Variants in ADI1 observed in about 807,000 individuals in gnomAD.
ADI1 encodes acireductone dioxygenase.
In ADI1, 21 loss-of-function variants were observed where a neutral mutation model predicts 18.7. The ratio of observed to expected loss-of-function variants is 1.13; its 90% confidence interval spans 0.80 to 1.62. The LOEUF is 1.62. Ranked by LOEUF, ADI1 falls within the 40% of genes most tolerant of loss-of-function variation. ADI1 has a pLI of 0.00. For synonymous variants in ADI1, 90 were observed against 100.1 expected, an observed-to-expected ratio of 0.90 and a Z score of 0.60; for missense variants, 245 against 254.9, an observed-to-expected ratio of 0.96 and a Z score of 0.26.
intron 2 of ADI1, among the ~76,000 whole-genome samples, chr2:3,504,155 G>A (rs1667119496): frequency 6.6e-6 from 1 of 152,152 alleles, no homozygotes; most frequent in African/African-American, 2.4e-5. Flanking sequence ...TTCACCCAGG[G>A]CACGTTGACA....
intron 1 of ADI1, chr2:3,516,934 GA>G: frequency 1.0e-6 from 1 of 984,968 alleles, no homozygotes; most frequent in South Asian, 4.7e-5. Flanking sequence ...GGTTTTTTTA[GA>G]GATGAGGTCT....
chr2:3,509,446 A>G (rs536024415), intron 2 of ADI1, among the ~76,000 whole-genome samples: 7 of 152,342 alleles, frequency 4.6e-5, no homozygotes, highest in Non-Finnish European at 8.8e-5. Flanking sequence ...GTCTCAATAT[A>G]TTTACGAAGA....
chr2:3,503,477 TCA>T (rs1667089770), intron 2 of ADI1, among the ~76,000 whole-genome samples: 2 of 106,670 alleles, frequency 1.9e-5, no homozygotes, highest in African/African-American at 7.6e-5. Flanking sequence ...ACGTGTGCAT[TCA>T]CACTCATGCA....
chr2:3,503,448 CAT>C (rs1303979701), intron 2 of ADI1, among the ~76,000 whole-genome samples: 1 of 151,582 alleles, frequency 6.6e-6, no homozygotes, highest in Non-Finnish European at 1.5e-5. Context: ...CTCATGCACA[CAT>C]ACGGACGTAC....
intron 2 of ADI1, among the ~76,000 whole-genome samples, chr2:3,511,853 G>T (rs951422533): frequency 2.0e-5 from 3 of 152,210 alleles, no homozygotes; most frequent in Non-Finnish European, 4.4e-5. Flanking sequence ...TGGAAATGAG[G>T]AATTTATCGG....
chr2:3,519,227 A>G (rs758707877), intron 1 of ADI1, 141 bp downstream of exon 1: 249 of 1,227,638 alleles, frequency 2.0e-4, no homozygotes, highest in Non-Finnish European at 2.4e-4. Flanking sequence ...AGCCGCCACG[A>G]ACCCCCAAAT....
chr2:3,518,666 G>A (rs908446445), intron 1 of ADI1, among the ~76,000 whole-genome samples: 3 of 151,762 alleles, frequency 2.0e-5, no homozygotes, highest in Non-Finnish European at 4.4e-5. Flanking sequence ...ACCGCGGCAG[G>A]ACCCCGCCTC....
At chr2:3,502,749 G>A (rs1015931894) in intron 2 of ADI1, among the ~76,000 whole-genome samples, 2 of 152,058 alleles carry the variant, frequency 1.3e-5, no homozygotes, top group South Asian at 2.1e-4. Context: ...CGCACACGGC[G>A]ACAAACGGAA....
intron 2 of ADI1, among the ~76,000 whole-genome samples, chr2:3,503,192 T>C (rs6748856): frequency 0.067 from 7,046 of 104,608 alleles, 684 homozygotes; most frequent in African/African-American, 0.15. Flanking sequence ...CATGCACACA[T>C]ACATGCATGC....
rs1667509902 is a variant in ADI1 at position 3,519,518 on chromosome 2, C to T, written c.-31G>A. ...GCAGTGCGGGTGCCGTGTTCGAACCCAGGGGCCGCGCTCGGAGCCCGTCGG... is the reference window on the plus strand; with the variant it reads ...GCAGTGCGGGTGCCGTGTTCGAACCTAGGGGCCGCGCTCGGAGCCCGTCGG... On this transcript the variant is annotated 5_prime_UTR_variant, in exon 1 of 4. Transcript: ENST00000327435. 2 of 1,257,662 alleles carry T rather than the reference C, an allele frequency of 1.6e-6. No homozygotes were observed. The highest frequency in any genetic ancestry group is 2.0e-6 in the Non-Finnish European group (2 of 999,690). The allele number at this position is 1,257,662 out of a possible 1,614,324, so 77.9% of individuals were successfully genotyped here. A position where few individuals can be genotyped will look rare whatever the true frequency, so the allele number is the denominator to read the frequency against.
Position 3,502,564 on chromosome 2 carries a change from G to A in ADI1, c.241-1571C>T, listed in dbSNP as rs185529664. 3.5e-3 allele frequency among the ~76,000 whole-genome samples: 527 copies of A among 148,984 alleles called. 2 individuals carry two copies. The highest frequency in any genetic ancestry group is 0.012 in the African/African-American group (503 of 40,488). ...GCCTCCCAGGTTCAAGCAATTCTCT[G>A]CCTCAGCCTCCCAAGTAGCTGGGGT... is the stretch of plus-strand genomic sequence containing the variant. On this transcript the variant is annotated intron_variant, in intron 2 of 3. Transcript: ENST00000327435.
rs1164559962 is a variant in ADI1, at chr2:3,499,003, G to A, written c.500C>T (p.Ala167Val). Reference sequence around the variant, plus strand: ...CAGAAATTTCACGTACTGCCCGCGGGCTTCAAAATGGTCAGCGGGCCGGTT... The same window carrying A: ...CAGAAATTTCACGTACTGCCCGCGGACTTCAAAATGGTCAGCGGGCCGGTT... ...AYNRPADHFEARGQYVKFLAQ... is the reference protein window; with the variant it reads ...AYNRPADHFEVRGQYVKFLAQ... The change falls in exon 4 of 4, where the codon GCC becomes GTC. Residue 167 changes from alanine (A) to valine (V), a missense_variant. Physicochemically the swap from Ala to Val is moderately conservative, Grantham distance 64 (BLOSUM62 0). Coordinates refer to ENST00000327435, the MANE Select transcript of ADI1 (RefSeq NM_018269.4). 6.2e-7 allele frequency: 1 copy of A among 1,613,966 alleles called. No homozygotes were observed.
At chr2:3,514,678 TCCTGACGAAGCACTTC>T in intron 1 of ADI1, 1 of 1,227,698 alleles carries the variant, frequency 8.1e-7, no homozygotes, top group Non-Finnish European at 1.1e-6. Context: ...TACTGTTCCT[TCCTGACGAAGCACTTC>T]CCTGATGAAG....
At chr2:3,507,104 T>C (rs1667190996) in intron 2 of ADI1, among the ~76,000 whole-genome samples, 1 of 152,110 alleles carries the variant, frequency 6.6e-6, no homozygotes. Flanking sequence ...TTTAATTGAC[T>C]CACAATTGTG....
intron 2 of ADI1, among the ~76,000 whole-genome samples, chr2:3,504,760 T>A (rs1239354129): frequency 6.6e-6 from 1 of 152,344 alleles, no homozygotes; most frequent in African/African-American, 2.4e-5. Flanking sequence ...TGTGTATGTT[T>A]GTACTGTTTG....
At chr2:3,508,192 G>A (rs1016157450) in intron 2 of ADI1, among the ~76,000 whole-genome samples, 1 of 151,866 alleles carries the variant, frequency 6.6e-6, no homozygotes, top group Non-Finnish European at 1.5e-5. Flanking sequence ...AAAATTAGCT[G>A]GGCGTGGTGG....
intron 3 of ADI1, chr2:3,500,535 A>ATGTACCTGCCGCCGCC (rs942875027): frequency 1.6e-5 from 3 of 188,440 alleles, no homozygotes; most frequent in Admixed American, 1.0e-4. Context: ...CTGCCGCCGC[A>ATGTACCTGCCGCCGCC]TGTACCTGCC....
Position 3,499,033 on chromosome 2 carries a change from G to A in ADI1, c.470C>T (p.Ala157Val), listed in dbSNP as rs146697305. ...RLFVGEPVWT[A>V]YNRPADHFEA... is the part of the protein sequence containing the mutation. ...AAAATGGTCAGCGGGCCGGTTGTAC[G>A]CTGTCCACACCGGTTCTCCCACAAA... is the stretch of plus-strand genomic sequence containing the variant. Residue 157 changes from alanine (A) to valine (V), a missense_variant, in exon 4 of 4, where the codon GCG becomes GTG. By Grantham distance (64) the Ala-to-Val change is moderately conservative. Coordinates refer to ENST00000327435, the MANE Select transcript of ADI1 (RefSeq NM_018269.4). 589 of 1,614,000 alleles carry A rather than the reference G, an allele frequency of 3.6e-4. 1 individual carries two copies. Among genetic ancestry groups the A allele is most frequent in the Non-Finnish European group, 4.8e-4 (571 of 1,179,972 alleles).
At chr2:3,514,073 A>G (rs868686790) in intron 1 of ADI1, 97 bp from the exon 2 acceptor site, 1 of 1,399,274 alleles carries the variant, frequency 7.1e-7, no homozygotes, top group Non-Finnish European at 9.5e-7. Context: ...TATACTCCAA[A>G]TTTATCATTT....
Sources: allele counts gnomAD v4.1 joint callset (sites outside exome capture counted in the v4.1 genomes callset), GRCh38; gene constraint gnomAD v4.1.1; transcripts MANE v1.5; gene names NCBI Gene and HGNC (gene_info 2026-07-23, HGNC 2026-07-21).